The following TNS1 variants were observed in gnomAD, a reference collection of about 807,000 sequenced individuals.
TNS1 encodes tensin 1.
In TNS1, 62 loss-of-function variants were observed where a neutral mutation model predicts 168.6. The ratio of observed to expected loss-of-function variants is 0.37; its 90% confidence interval spans 0.30 to 0.45. TNS1 has a LOEUF of 0.45. Among genes scored for constraint, TNS1 ranks in the 20% least tolerant of loss-of-function variants. The probability of loss-of-function intolerance (pLI) is 1.00; values close to 1 mark genes in which losing one functional copy is unlikely to be tolerated. For synonymous variants in TNS1, 934 were observed against 933.2 expected, an observed-to-expected ratio of 1.00 and a Z score of -0.02; for missense variants, 2,240 against 2,339.4, an observed-to-expected ratio of 0.96 and a Z score of 0.88.
In TNS1 at chr2:217,813,292, T is replaced by C; in HGVS notation, c.4877A>G (p.Glu1626Gly). ...QQNKKGDMTH[E>G]LVRHFLIETG... Reference sequence around the variant, plus strand: ...CTCTATCAGAAAATGCCTGACCAGCTCATGGGTCATGTCTCCTGGGACAAA... The same window carrying C: ...CTCTATCAGAAAATGCCTGACCAGCCCATGGGTCATGTCTCCTGGGACAAA... The change falls in exon 27 of 33, where the codon GAG becomes GGG. Residue 1626 changes from glutamate to glycine, a missense_variant. Coordinates refer to ENST00000682258, the MANE Select transcript of TNS1 (RefSeq NM_001387777.1). The surrounding 1 kb of genome is among the most constrained non-coding windows in gnomAD (Gnocchi z 4.0). The C allele has an allele frequency of 6.3e-7, 1 of 1,589,402 alleles. No homozygotes were observed. Among genetic ancestry groups the C allele is most frequent in the Non-Finnish European group, 8.6e-7 (1 of 1,166,032 alleles).
At chr2:217,950,267 A>C (rs1271032669) in intron 3 of TNS1, among the ~76,000 whole-genome samples, 1 of 152,190 alleles carries the variant, frequency 6.6e-6, no homozygotes, top group Non-Finnish European at 1.5e-5. Context: ...TTGTCTTGGG[A>C]AAGTGAACCA....
intron 18 of TNS1, chr2:217,859,756 C>T: frequency 1.4e-6 from 2 of 1,395,752 alleles, no homozygotes; most frequent in South Asian, 2.5e-5. Context: ...AATGCCTCAC[C>T]CTCGTTCCCA....
intron 32 of TNS1, among the ~76,000 whole-genome samples, chr2:217,806,545 G>A (rs778821491): frequency 6.6e-5 from 10 of 152,094 alleles, no homozygotes; most frequent in African/African-American, 1.9e-4. Context: ...TTCTTCCCTC[G>A]CAGGGCCCTG....
chr2:217,952,046 A>T (rs1276011821), intron 3 of TNS1, among the ~76,000 whole-genome samples: 9 of 152,370 alleles, frequency 5.9e-5, no homozygotes. Flanking sequence ...CTCAAGGAGC[A>T]CTTGATCTAG....
At chr2:217,871,458 A>G (rs559118974) in intron 18 of TNS1, among the ~76,000 whole-genome samples, 1 of 152,290 alleles carries the variant, frequency 6.6e-6, no homozygotes, top group African/African-American at 2.4e-5. Context: ...GCTTAGATAC[A>G]AGGGGCACAT....
rs763843468 is a variant in TNS1, at chr2:217,933,440, T to C, written c.187-13204A>G. Among the ~76,000 whole-genome samples, 6 of 152,062 alleles carry C rather than the reference T, an allele frequency of 3.9e-5. No individual in the cohort carries two copies. In the East Asian group the frequency reaches 7.7e-4, roughly 20 times the overall value. On this transcript the variant is annotated intron_variant, in intron 3 of 32. Coordinates refer to ENST00000682258, the MANE Select transcript of TNS1 (RefSeq NM_001387777.1). Reference sequence around the variant, plus strand: ...ACCACTGCCGGACCCAGATACAAAGTCACCCCCTGGTGCTTGGGCCCCACC... The same window carrying C: ...ACCACTGCCGGACCCAGATACAAAGCCACCCCCTGGTGCTTGGGCCCCACC...
chr2:217,877,741 G>A lies in TNS1; in HGVS notation c.1429+3157C>T, dbSNP rs187284921. ...AGTTCCTGAGATGATGGTTAAGTCA[G>A]GGGCAGCAGGAGGGCCTCCTGGGGG... On this transcript the variant is annotated intron_variant, in intron 18 of 32. Transcript: ENST00000682258. 2.7e-3 allele frequency among the ~76,000 whole-genome samples: 407 copies of A among 152,328 alleles called. 2 individuals are homozygous for A. The highest frequency in any genetic ancestry group is 9.1e-3 in the African/African-American group (379 of 41,584).
intron 3 of TNS1, among the ~76,000 whole-genome samples, chr2:217,924,321 C>G (rs1955895100): frequency 6.6e-6 from 1 of 152,158 alleles, no homozygotes; most frequent in Admixed American, 6.5e-5. Context: ...CTCTCACACA[C>G]ACACACACAC....
chr2:217,838,715 G>T (rs1457034712), intron 19 of TNS1, among the ~76,000 whole-genome samples: 2 of 152,208 alleles, frequency 1.3e-5, no homozygotes, highest in Non-Finnish European at 2.9e-5. Flanking sequence ...GATCCGCCTG[G>T]AGTGCCTGGA....
At chr2:217,845,325 G>C (rs534817607) in intron 19 of TNS1, among the ~76,000 whole-genome samples, 1 of 152,344 alleles carries the variant, frequency 6.6e-6, no homozygotes, top group East Asian at 1.9e-4. Flanking sequence ...GATGTAGACA[G>C]AGCAGAAAGA....
chr2:217,904,511 C>T (rs1953421836), intron 6 of TNS1, among the ~76,000 whole-genome samples: 1 of 152,148 alleles, frequency 6.6e-6, no homozygotes, highest in South Asian at 2.1e-4. Flanking sequence ...GTACACAGGC[C>T]GTTCTGGTAG....
At position 217,848,258 on chromosome 2, in the gene TNS1, C is replaced by T. The variant is rs1229151663; in HGVS notation, c.2259G>A (p.Gln753=). 2 of 1,554,228 alleles carry T rather than the reference C, an allele frequency of 1.3e-6. No individual in the cohort carries two copies. Among genetic ancestry groups the T allele is most frequent in the Non-Finnish European group, 1.7e-6 (2 of 1,149,996 alleles). The change falls in exon 19 of 33, where the codon CAG becomes CAA. Residue 753 remains glutamine (Q), a synonymous_variant. Coordinates refer to ENST00000682258, the MANE Select transcript of TNS1 (RefSeq NM_001387777.1). Reference sequence around the variant, plus strand: ...CCCCTCGGACCGGAGCTGGGGGCAGCTGGGGTTCAGCTTCCGAAAAGGATT... The same window carrying T: ...CCCCTCGGACCGGAGCTGGGGGCAGTTGGGGTTCAGCTTCCGAAAAGGATT... ...RSQSFSEAEP[Q]LPPAPVRGGS...
chr2:217,807,195 C>A (rs920682490), intron 32 of TNS1, among the ~76,000 whole-genome samples: 1 of 152,156 alleles, frequency 6.6e-6, no homozygotes, highest in Non-Finnish European at 1.5e-5. Flanking sequence ...TCCAAAAGCA[C>A]GACATTTACC....
chr2:217,892,705 A>C (rs1279295441), intron 11 of TNS1, among the ~76,000 whole-genome samples: 4 of 152,158 alleles, frequency 2.6e-5, no homozygotes, highest in African/African-American at 9.7e-5. Context: ...TGCTCAGGAC[A>C]GGGCCTGCCT....
intron 1 of TNS1, among the ~76,000 whole-genome samples, chr2:218,024,121 G>C (rs570166206): frequency 6.6e-6 from 1 of 152,246 alleles, no homozygotes; most frequent in East Asian, 1.9e-4. Flanking sequence ...GCTGAAGATC[G>C]GAGTCACTAA....
At chr2:217,971,872 G>T (rs919161405) in intron 3 of TNS1, among the ~76,000 whole-genome samples, 1 of 152,140 alleles carries the variant, frequency 6.6e-6, no homozygotes, top group African/African-American at 2.4e-5. Context: ...AGGCAAACAA[G>T]CGAAAGACAT....
At chr2:217,924,690 C>T (rs903378116) in intron 3 of TNS1, among the ~76,000 whole-genome samples, 4 of 152,208 alleles carry the variant, frequency 2.6e-5, no homozygotes, top group Non-Finnish European at 4.4e-5. Flanking sequence ...CCTCCAAGCC[C>T]GCAGAGTCAG....
chr2:217,897,982 C>A lies in TNS1; in HGVS notation c.372-13G>T. The stretch of plus-strand genomic sequence containing the variant: ...CACACTCATGTTTCTAGGGAGACAG[C>A]AGGCAGCGGAGGGTCCATATCAGAA... On this transcript the variant is annotated splice_polypyrimidine_tract_variant and intron_variant, in intron 7 of 32. Transcript: ENST00000682258. The A allele has an allele frequency of 2.5e-6, 4 of 1,594,620 alleles. No homozygotes were observed. The highest frequency in any genetic ancestry group is 3.4e-6 in the Non-Finnish European group (4 of 1,170,204).
chr2:217,972,922 A>T (rs1957804421), intron 3 of TNS1, among the ~76,000 whole-genome samples: 1 of 151,692 alleles, frequency 6.6e-6, no homozygotes, highest in Non-Finnish European at 1.5e-5. Context: ...CTATTCTAAA[A>T]TTAAAAGTTT....
Sources: gnomAD v4.1 joint callset for allele counts (sites outside exome capture counted in the v4.1 genomes callset) on GRCh38, gnomAD v4.1.1 for gene constraint, Gnocchi (gnomAD v3.1) non-coding constraint, MANE v1.5 for transcripts, NCBI Gene and HGNC (gene_info 2026-07-23, HGNC 2026-07-21) for gene names.